Variants in SLC35A3 observed in about 807,000 individuals in gnomAD.
The protein encoded by SLC35A3 is solute carrier family 35 member A3.
SLC35A3 carries 26 observed loss-of-function variants against 39.0 expected under a neutral mutation model. That is an observed-to-expected ratio of 0.67 (90% CI 0.49 to 0.92). SLC35A3 has a LOEUF of 0.92. SLC35A3 is among the 40% of genes least tolerant of loss of function. The pLI, the probability that SLC35A3 is intolerant of heterozygous loss-of-function variation, is 0.00. For synonymous variants in SLC35A3, 135 were observed against 133.1 expected, an observed-to-expected ratio of 1.01 and a Z score of -0.10; for missense variants, 299 against 371.6, an observed-to-expected ratio of 0.80 and a Z score of 1.61.
At chr1:99,983,771 G>A (rs1570573944) in intron 1 of SLC35A3, among the ~76,000 whole-genome samples, 2 of 151,328 alleles carry the variant, frequency 1.3e-5, no homozygotes, top group African/African-American at 4.8e-5. Flanking sequence ...GATTACAGGC[G>A]CCCACCACGC....
chr1:99,991,949 A>G (rs1263611763), intron 1 of SLC35A3, among the ~76,000 whole-genome samples: 2 of 152,018 alleles, frequency 1.3e-5, no homozygotes, highest in Admixed American at 6.6e-5. Flanking sequence ...AGGTTTCACC[A>G]TGTTGGCCGG....
intron 1 of SLC35A3, among the ~76,000 whole-genome samples, chr1:99,986,507 A>G (rs888834077): frequency 6.6e-6 from 1 of 152,102 alleles, no homozygotes; most frequent in Non-Finnish European, 1.5e-5. Context: ...ATTATGGGGA[A>G]TGTTTATATT....
chr1:100,021,138 AG>A (rs1434646958), intron 7 of SLC35A3, among the ~76,000 whole-genome samples: 1 of 151,952 alleles, frequency 6.6e-6, no homozygotes, highest in African/African-American at 2.4e-5. Flanking sequence ...GGAGGTGGGC[AG>A]ATCACTTGAG....
chr1:100,005,072 A>T (rs1659122047), intron 3 of SLC35A3, among the ~76,000 whole-genome samples: 1 of 152,158 alleles, frequency 6.6e-6, no homozygotes, highest in Non-Finnish European at 1.5e-5. Context: ...TCATTTTTTA[A>T]CAATAGTTTC....
chr1:99,973,472 T>C (rs1183560406), intron 1 of SLC35A3, among the ~76,000 whole-genome samples: 2 of 152,240 alleles, frequency 1.3e-5, no homozygotes, highest in Non-Finnish European at 2.9e-5. Context: ...GTTTCTTTAA[T>C]GTATCTTTTA....
In SLC35A3 at chr1:100,027,464, A is replaced by C; in HGVS notation, c.*4988A>C. On this transcript the variant is annotated 3_prime_UTR_variant, in exon 8 of 8. Transcript: ENST00000533028. Reference sequence around the variant, plus strand: ...GACTCTGTCTCAAAAAACAAACAAAACAAAAACTGAAACAACAAAAAAAGA... The same window carrying C: ...GACTCTGTCTCAAAAAACAAACAAACCAAAAACTGAAACAACAAAAAAAGA... The C allele has an allele frequency of 3.0e-6, 1 of 333,484 alleles. No individual in the cohort carries two copies. The highest frequency in any genetic ancestry group is 5.4e-6 in the Non-Finnish European group (1 of 185,968). The allele number at this position is 333,484 out of a possible 1,614,324, so 20.7% of individuals were successfully genotyped here.
In SLC35A3 at chr1:100,027,902, A is replaced by C. The variant is rs1468377870; in HGVS notation, c.*5426A>C. 6.6e-6 allele frequency: 1 copy of C among 151,798 alleles called. No homozygotes were observed. The highest frequency in any genetic ancestry group is 1.5e-5 in the Non-Finnish European group (1 of 67,962). The allele number at this position is 151,798 out of a possible 1,614,324, so 9.4% of individuals were successfully genotyped here. ...CAATCCTCAAGTTCCACTGCTATGC[A>C]AAAGTATCTTAGAATCTGAATCTTA... On this transcript the variant is annotated 3_prime_UTR_variant, in exon 8 of 8. Coordinates refer to ENST00000533028, the MANE Select transcript of SLC35A3 (RefSeq NM_012243.3).
chr1:100,019,065 C>T (rs537742324), intron 7 of SLC35A3, among the ~76,000 whole-genome samples: 1 of 151,778 alleles, frequency 6.6e-6, no homozygotes, highest in Non-Finnish European at 1.5e-5. Flanking sequence ...ATCATATTCC[C>T]TGTTCATAAG....
In SLC35A3 at chr1:100,029,249, C is replaced by A. The variant is rs1215535351; in HGVS notation, c.*6773C>A. On this transcript the variant is annotated 3_prime_UTR_variant, in exon 8 of 8. Transcript: ENST00000533028. Reference sequence around the variant, plus strand: ...AAACTGTCAAGTGTTGTCTAAGGAACCCACAATGAATAATAAAGACATTCC... The same window carrying A: ...AAACTGTCAAGTGTTGTCTAAGGAAACCACAATGAATAATAAAGACATTCC... The A allele has an allele frequency of 1.3e-5, 2 of 152,100 alleles. No individual in the cohort carries two copies. Among genetic ancestry groups the A allele is most frequent in the Non-Finnish European group, 2.9e-5 (2 of 68,020 alleles). 9.4% of individuals were successfully genotyped at this position (152,100 alleles called of 1,614,324 possible).
chr1:99,996,211 T>C (rs533866047), intron 2 of SLC35A3, among the ~76,000 whole-genome samples: 2 of 152,126 alleles, frequency 1.3e-5, no homozygotes, highest in Admixed American at 6.5e-5. Flanking sequence ...AAGGAAAAAA[T>C]AGATAATTTA....
intron 2 of SLC35A3, among the ~76,000 whole-genome samples, chr1:99,995,399 C>T (rs1658348006): frequency 6.6e-6 from 1 of 151,988 alleles, no homozygotes; most frequent in East Asian, 1.9e-4. Flanking sequence ...GTGATCTGCC[C>T]ACCTCGGCCT....
rs1445062291 is a variant in SLC35A3, at chr1:100,024,925, A to C, written c.*2449A>C. ...ACAGACTGTTGGGTACCCTTGCCTA[A>C]CGTGAACTGGCAGTGTTACCTTGCT... is the stretch of plus-strand genomic sequence containing the variant. On this transcript the variant is annotated 3_prime_UTR_variant, in exon 8 of 8. Coordinates refer to ENST00000533028, the MANE Select transcript of SLC35A3 (RefSeq NM_012243.3). 2 of 338,674 alleles carry C rather than the reference A, an allele frequency of 5.9e-6. No homozygotes were observed. The highest frequency in any genetic ancestry group is 9.6e-5 in the Admixed American group (2 of 20,842). 21.0% of individuals were successfully genotyped at this position (338,674 alleles called of 1,614,324 possible). A position where few individuals can be genotyped will look rare whatever the true frequency, so the allele number is the denominator to read the frequency against.
intron 5 of SLC35A3, among the ~76,000 whole-genome samples, chr1:100,013,591 A>G (rs1659836849): frequency 6.6e-6 from 1 of 151,934 alleles, no homozygotes; most frequent in Admixed American, 6.6e-5. Context: ...CCAGCCTGCT[A>G]AGTGACAGAG....
rs1458584979 is a variant in SLC35A3 at position 99,999,879 on chromosome 1, T to A, written c.342+464T>A. On this transcript the variant is annotated intron_variant, in intron 3 of 7. Coordinates refer to ENST00000533028, the MANE Select transcript of SLC35A3 (RefSeq NM_012243.3). ...TGTCTTTCTGTGTGTGCCTGGGTTG[T>A]TTCACTTAACATAATGACCTCTAGT... Among the ~76,000 whole-genome samples, 3 of 152,088 alleles carry A rather than the reference T, an allele frequency of 2.0e-5. No homozygotes were observed. The East Asian group carries it at 5.8e-4, about 29-fold the overall frequency.
intron 6 of SLC35A3, among the ~76,000 whole-genome samples, chr1:100,016,479 T>C (rs1660134188): frequency 6.6e-6 from 1 of 151,182 alleles, no homozygotes; most frequent in African/African-American, 2.4e-5. Flanking sequence ...GTTCACGCCA[T>C]TCTCCTGCCT....
At chr1:100,015,970 TAG>T (rs949815308) in intron 6 of SLC35A3, among the ~76,000 whole-genome samples, 14 of 152,040 alleles carry the variant, frequency 9.2e-5, no homozygotes, top group African/African-American at 3.4e-4. Context: ...CCTATTCTTC[TAG>T]AGATATTTGA....
At chr1:99,980,390 A>G (rs1657388612) in intron 1 of SLC35A3, among the ~76,000 whole-genome samples, 1 of 152,172 alleles carries the variant, frequency 6.6e-6, no homozygotes, top group Non-Finnish European at 1.5e-5. Context: ...GGCACCACAC[A>G]TTGAAAGGAG....
intron 2 of SLC35A3, among the ~76,000 whole-genome samples, chr1:99,998,503 C>T (rs1021484967): frequency 2.6e-5 from 4 of 152,150 alleles, no homozygotes; most frequent in Non-Finnish European, 5.9e-5. Context: ...TAGCATCCAC[C>T]TTCCCACTTT....
chr1:100,002,815 A>G (rs1658907578), intron 3 of SLC35A3, among the ~76,000 whole-genome samples: 1 of 146,330 alleles, frequency 6.8e-6, no homozygotes, highest in South Asian at 2.1e-4. Context: ...GGGTCTTTTT[A>G]TGTTGCCCAG....
Sources: gnomAD v4.1 joint callset for allele counts (sites outside exome capture counted in the v4.1 genomes callset) on GRCh38, gnomAD v4.1.1 for gene constraint, MANE v1.5 for transcripts, NCBI Gene and HGNC (gene_info 2026-07-23, HGNC 2026-07-21) for gene names.